MCAT: variants seen among roughly 807,000 people sequenced by gnomAD.
The protein encoded by MCAT is malonyl-CoA-acyl carrier protein transacylase.
A neutral mutation model predicts 22.9 loss-of-function variants in MCAT; 22 were observed. The ratio of observed to expected loss-of-function variants is 0.96; its 90% CI spans 0.69 to 1.37. The LOEUF (loss-of-function observed/expected upper bound fraction) is 1.37. MCAT is among the 40% of genes most tolerant of loss of function. The probability of loss-of-function intolerance (pLI) is 0.00; values close to 1 mark genes in which losing one functional copy is unlikely to be tolerated. For missense variants in MCAT, 534 were observed against 533.6 expected (o/e 1.00, Z -0.01); for synonymous variants, 240 against 233.9 (o/e 1.03, Z -0.24).
In MCAT at chr22:43,133,020, C is replaced by A. The variant is rs1930490603; in HGVS notation, c.*23G>T. 6.2e-7 allele frequency: 1 copy of A among 1,603,000 alleles called. No homozygotes were observed. Among genetic ancestry groups the A allele is most frequent in the South Asian group, 1.1e-5 (1 of 90,746 alleles). On this transcript the variant is annotated 3_prime_UTR_variant, in exon 4 of 4. Coordinates refer to ENST00000290429, the MANE Select transcript of MCAT (RefSeq NM_173467.5). Reference sequence around the variant, plus strand: ...CTCTCCTCAGGAGGACAGAGGGGGTCATCGCATTTGAGCCCCCTGCAGTCA... The same window carrying A: ...CTCTCCTCAGGAGGACAGAGGGGGTAATCGCATTTGAGCCCCCTGCAGTCA...
chr22:43,139,347 G>A (rs982050396), intron 2 of MCAT, among the ~76,000 whole-genome samples: 1 of 151,992 alleles, frequency 6.6e-6, no homozygotes, highest in African/African-American at 2.4e-5. Context: ...GCAACATAGC[G>A]AGACCCCATC....
At position 43,133,488 on chromosome 22, in the gene MCAT, T is replaced by C. The variant is rs1478186878; in HGVS notation, c.730-2A>G. On this transcript the variant is annotated splice_acceptor_variant, in intron 3 of 3. Coordinates refer to ENST00000290429, the MANE Select transcript of MCAT (RefSeq NM_173467.5). LOFTEE classifies it high-confidence loss of function. ...ATTCTTCTGGAGAAACCGTAGAGCC[T>C]GGGGAAGGAAGGAGGTTTCAGCCGA... The C allele has an allele frequency of 6.2e-7, 1 of 1,601,480 alleles. No individual in the cohort carries two copies. The highest frequency in any genetic ancestry group is 8.5e-7 in the Non-Finnish European group (1 of 1,173,716).
intron 1 of MCAT, 119 bp from the exon 2 acceptor site, chr22:43,141,368 G>A (rs552999110): frequency 1.3e-6 from 1 of 791,354 alleles, no homozygotes; most frequent in Non-Finnish European, 2.2e-6. Context: ...CTACGAACTT[G>A]GTGCACCAGC....
In MCAT at chr22:43,137,219, G is replaced by C; in HGVS notation, c.591C>G (p.Leu197=). ...AGTTGAACTTGGACTGAGGCTGGCC[G>C]AGGACAGACAGCATCCCACTGGGGA... ...EAVPSGMLSV[L]GQPQSKFNFA... is the part of the protein sequence containing the mutation. Residue 197 remains leucine, a synonymous_variant, in exon 3 of 4, where the codon CTC becomes CTG. Coordinates refer to ENST00000290429, the MANE Select transcript of MCAT (RefSeq NM_173467.5). The C allele has an allele frequency of 6.2e-7, 1 of 1,614,186 alleles. No individual in the cohort carries two copies. Among genetic ancestry groups the C allele is most frequent in the Non-Finnish European group, 8.5e-7 (1 of 1,180,040 alleles).
intron 2 of MCAT, among the ~76,000 whole-genome samples, chr22:43,140,648 G>A (rs928922264): frequency 2.0e-5 from 3 of 151,974 alleles, no homozygotes; most frequent in African/African-American, 4.8e-5. Context: ...TGCACCCAAC[G>A]TAATTTTTGT....
Position 43,137,112 on chromosome 22 carries a change from G to A in MCAT, c.698C>T (p.Pro233Leu). 1.2e-6 allele frequency: 2 copies of A among 1,614,138 alleles called. No individual in the cohort carries two copies. The highest frequency in any genetic ancestry group is 4.5e-5 in the East Asian group (2 of 44,884). Residue 233 changes from proline (P) to leucine (L), a missense_variant, in exon 3 of 4, where the codon CCA becomes CTA. By Grantham distance (98) the Pro-to-Leu change is moderately conservative. Transcript: ENST00000290429. ...GTGTCCTGAAATCACCCTGCAATCT[G>A]GAAAGAGGTAGTTGGACACTTCACA... ...PVCEVSNYLF[P>L]DCRVISGHQE...
At chr22:43,138,430 C>A (rs1056866052) in intron 2 of MCAT, among the ~76,000 whole-genome samples, 6 of 152,074 alleles carry the variant, frequency 3.9e-5, no homozygotes, top group African/African-American at 1.4e-4. Context: ...GCAGGCAGTG[C>A]CAATGATAAT....
At chr22:43,136,975 C>A (rs924440186) in intron 3 of MCAT, 106 bp downstream of exon 3, 6 of 939,222 alleles carry the variant, frequency 6.4e-6, no homozygotes, top group Middle Eastern at 2.7e-4. Context: ...TCCTAAAGAC[C>A]GGGCTGGACC....
In MCAT at chr22:43,142,964, G is replaced by A. The variant is rs768978440; in HGVS notation, c.385C>T (p.Leu129=). The A allele has an allele frequency of 6.3e-7, 1 of 1,595,458 alleles. No individual in the cohort carries two copies. The highest frequency in any genetic ancestry group is 8.5e-7 in the Non-Finnish European group (1 of 1,170,856). ...TGATGTAGTTTCTCGACAGCGGCCAGCGATGCCACGAAGATCGCGGGCTGA... is the reference window on the plus strand; with the variant it reads ...TGATGTAGTTTCTCGACAGCGGCCAACGATGCCACGAAGATCGCGGGCTGA... The part of the protein sequence containing the change: ...HCQPAIFVAS[L]AAVEKLHHLQ... Residue 129 remains leucine, a synonymous_variant, in exon 1 of 4, where the codon CTG becomes TTG. Coordinates refer to ENST00000290429, the MANE Select transcript of MCAT (RefSeq NM_173467.5).
In MCAT at chr22:43,143,095, G is replaced by A; in HGVS notation, c.254C>T (p.Pro85Leu). The change falls in exon 1 of 4, where the codon CCG (proline) becomes CTG (leucine). Residue 85 changes from proline to leucine, a missense_variant. Coordinates refer to ENST00000290429, the MANE Select transcript of MCAT (RefSeq NM_173467.5). ...GGCGGCGTAGAGTTCGCGGACGCGC[G>A]GGTAGTTGAGCAGACCGCGGCCCAT... is the stretch of plus-strand genomic sequence containing the variant. ...VGMGRGLLNY[P>L]RVRELYAAAR... 1.2e-6 allele frequency: 2 copies of A among 1,606,132 alleles called. No individual in the cohort carries two copies. The highest frequency in any genetic ancestry group is 8.5e-7 in the Non-Finnish European group (1 of 1,178,936).
At position 43,143,210 on chromosome 22, in the gene MCAT, C is replaced by A; in HGVS notation, c.139G>T (p.Glu47Ter). The part of the protein sequence containing the change: ...ELLRDATGAE[E>*]EAPWAATERR... The stretch of plus-strand genomic sequence containing the variant: ...TCCGTCGCCGCCCAGGGCGCCTCCT[C>A]CTCCGCCCCGGTCGCATCTCGCAGC... The change falls in exon 1 of 4, where the codon GAG becomes TAG. Residue 47 changes from glutamate to a stop codon, truncating the protein, a stop_gained. Coordinates refer to ENST00000290429, the MANE Select transcript of MCAT (RefSeq NM_173467.5). LOFTEE classifies it high-confidence loss of function. 1 of 1,530,964 alleles carries A rather than the reference C, an allele frequency of 6.5e-7. No individual in the cohort carries two copies. The highest frequency in any genetic ancestry group is 2.5e-5 in the East Asian group (1 of 40,168). The allele number at this position is 1,530,964 out of a possible 1,614,324, so 94.8% of individuals were successfully genotyped here.
intron 2 of MCAT, among the ~76,000 whole-genome samples, chr22:43,139,459 G>A (rs1930709099): frequency 6.6e-6 from 1 of 152,192 alleles, no homozygotes; most frequent in African/African-American, 2.4e-5. Flanking sequence ...CCAAGAGGCT[G>A]AGGCTGCAGT....
In MCAT at chr22:43,143,223, C is replaced by G; in HGVS notation, c.126G>C (p.Ala42=). Residue 42 remains alanine, a synonymous_variant, in exon 1 of 4, where the codon GCG becomes GCC. Coordinates refer to ENST00000290429, the MANE Select transcript of MCAT (RefSeq NM_173467.5). ...AGGGCGCCTCCTCCTCCGCCCCGGT[C>G]GCATCTCGCAGCAGCTCCGCTACAC... The part of the protein sequence containing the change: ...AQGVAELLRD[A]TGAEEEAPWA... The G allele has an allele frequency of 1.3e-6, 2 of 1,520,692 alleles. No homozygotes were observed. Among genetic ancestry groups the G allele is most frequent in the Non-Finnish European group, 1.7e-6 (2 of 1,143,960 alleles). 94.2% of individuals were successfully genotyped at this position (1,520,692 alleles called of 1,614,324 possible). A position where few individuals can be genotyped will look rare whatever the true frequency, so the allele number is the denominator to read the frequency against.
intron 2 of MCAT, among the ~76,000 whole-genome samples, chr22:43,137,750 T>TAA: frequency 6.7e-6 from 1 of 149,968 alleles, no homozygotes; most frequent in South Asian, 2.1e-4. Flanking sequence ...TTTTTTTTTT[T>TAA]AAATAGTGCC....
chr22:43,133,384 C>G lies in MCAT; in HGVS notation c.832G>C (p.Val278Leu). The G allele has an allele frequency of 6.2e-7, 1 of 1,614,160 alleles. No homozygotes were observed. Among genetic ancestry groups the G allele is most frequent in the Non-Finnish European group, 8.5e-7 (1 of 1,180,018 alleles). The change falls in exon 4 of 4, where the codon GTG becomes CTG. Residue 278 changes from valine (V) to leucine (L), a missense_variant. Transcript: ENST00000290429. The part of the protein sequence containing the change: ...AFHTRLMEPA[V>L]EPLTQALKAV... ...TTTAAAGCTTGCGTCAGGGGCTCCA[C>G]GGCTGGCTCCATGAGGCGGGTGTGG...
intron 3 of MCAT, among the ~76,000 whole-genome samples, chr22:43,134,286 G>T (rs1160722126): frequency 6.6e-6 from 1 of 152,160 alleles, no homozygotes; most frequent in Non-Finnish European, 1.5e-5. Flanking sequence ...CTCAGAAGGG[G>T]CCTCGGGCGA....
In MCAT at chr22:43,133,968, G is replaced by A. The variant is rs557753041; in HGVS notation, c.730-482C>T. Among the ~76,000 whole-genome samples, 11 of 152,110 alleles carry A rather than the reference G, an allele frequency of 7.2e-5. 2 individuals carry two copies. The highest frequency in any genetic ancestry group is 7.2e-4 in the Admixed American group (11 of 15,278). On this transcript the variant is annotated intron_variant, in intron 3 of 3. Coordinates refer to ENST00000290429, the MANE Select transcript of MCAT (RefSeq NM_173467.5). The stretch of plus-strand genomic sequence containing the variant: ...CTACAGGCGCCCGCCACCACGCCCG[G>A]CTAATTTTTTGTATTAGCTGATCTC...
Position 43,133,302 on chromosome 22 carries a change from C to G in MCAT, c.914G>C (p.Arg305Thr). 2 of 1,614,196 alleles carry G rather than the reference C, an allele frequency of 1.2e-6. No homozygotes were observed. Among genetic ancestry groups the G allele is most frequent in the Non-Finnish European group, 1.7e-6 (2 of 1,180,042 alleles). ...GTGGATGTGCCCGGGATGCCTGTAT[C>G]TATGCGCGTGGACGTTGGAGTAGAC... ...VSVYSNVHAH[R>T]YRHPGHIHKL... The change falls in exon 4 of 4, where the codon AGA becomes ACA. Residue 305 changes from arginine to threonine, a missense_variant. Transcript: ENST00000290429.
At chr22:43,135,021 C>G (rs5759180) in intron 3 of MCAT, among the ~76,000 whole-genome samples, 6,170 of 152,340 alleles carry the variant, frequency 0.041, 551 homozygotes, top group East Asian at 0.34. Flanking sequence ...AAGTCCCAGG[C>G]TAGGGCCACA....
Sources: gnomAD v4.1 joint callset for allele counts (sites outside exome capture counted in the v4.1 genomes callset) on GRCh38, gnomAD v4.1.1 for gene constraint, MANE v1.5 for transcripts, NCBI Gene and HGNC (gene_info 2026-07-23, HGNC 2026-07-21) for gene names.